GABRB1: variants seen among roughly 807,000 people sequenced by gnomAD.
GABRB1 encodes the protein gamma-aminobutyric acid type A receptor subunit beta1.
Under a neutral mutation model 51.6 loss-of-function variants are expected in GABRB1, and 17 were observed. The observed-to-expected ratio is 0.33, with a 90% CI of 0.23 to 0.49. The LOEUF (loss-of-function observed/expected upper bound fraction) is 0.49. GABRB1 is among the 20% of genes least tolerant of loss of function. The pLI is 0.99. For missense variants in GABRB1, 410 were observed against 600.6 expected (o/e 0.68, Z 3.32); for synonymous variants, 247 against 218.9 (o/e 1.13, Z -1.14).
At chr4:47,170,190 A>G (rs1340744892) in intron 4 of GABRB1, among the ~76,000 whole-genome samples, 3 of 152,038 alleles carry the variant, frequency 2.0e-5, no homozygotes, top group Admixed American at 2.0e-4. Context: ...TTTCGAATCA[A>G]TTTTTTTATA....
chr4:47,268,596 A>C (rs1289004666), intron 4 of GABRB1, among the ~76,000 whole-genome samples: 2 of 152,204 alleles, frequency 1.3e-5, no homozygotes, highest in Admixed American at 1.3e-4. Context: ...AATCCCCATT[A>C]CTTAGTCATT....
intron 3 of GABRB1, among the ~76,000 whole-genome samples, chr4:47,147,041 G>A (rs1466533959): frequency 6.6e-6 from 1 of 151,870 alleles, no homozygotes; most frequent in Non-Finnish European, 1.5e-5. Context: ...ACCTACCCTA[G>A]AGAGTGGATA....
intron 3 of GABRB1, among the ~76,000 whole-genome samples, chr4:47,064,767 GA>G (rs1238017996): frequency 6.6e-6 from 1 of 151,874 alleles, no homozygotes; most frequent in Admixed American, 6.6e-5. Flanking sequence ...CACCATGACT[GA>G]AAAGACATTG....
chr4:47,416,633 G>A (rs1728930512), intron 8 of GABRB1, among the ~76,000 whole-genome samples: 1 of 151,976 alleles, frequency 6.6e-6, no homozygotes, highest in Non-Finnish European at 1.5e-5. Flanking sequence ...TGTATTTTTA[G>A]TAGAGATGGG....
upstream of GABRB1, among the ~76,000 whole-genome samples, chr4:47,029,250 A>G (rs1321506778): frequency 2.0e-5 from 3 of 151,984 alleles, no homozygotes; most frequent in South Asian, 2.1e-4. Context: ...TAGTATGTCC[A>G]AAGAGTGGTA....
intron 4 of GABRB1, among the ~76,000 whole-genome samples, chr4:47,190,055 T>C (rs1719375779): frequency 1.3e-5 from 2 of 152,050 alleles, no homozygotes; most frequent in African/African-American, 4.8e-5. Flanking sequence ...TTGTTCTCAT[T>C]CTCTAGCAGG....
intron 5 of GABRB1, among the ~76,000 whole-genome samples, chr4:47,390,066 G>A (rs930349177): frequency 2.6e-5 from 4 of 152,192 alleles, no homozygotes; most frequent in Admixed American, 2.6e-4. Flanking sequence ...AGCTAAAAGA[G>A]AAAAAGAAAT....
intron 4 of GABRB1, among the ~76,000 whole-genome samples, chr4:47,242,539 C>T (rs537652763): frequency 7.2e-5 from 11 of 152,332 alleles, no homozygotes; most frequent in Admixed American, 6.5e-4. Flanking sequence ...CGCATCCTCT[C>T]CAGCACCTGT....
At chr4:47,376,615 C>T (rs1458997234) in intron 5 of GABRB1, among the ~76,000 whole-genome samples, 1 of 152,182 alleles carries the variant, frequency 6.6e-6, no homozygotes, top group African/African-American at 2.4e-5. Flanking sequence ...CCACTGCACT[C>T]CAGCCTGGGC....
At chr4:47,025,491 T>G (rs1725062779) in intron 1 of GABRB1, among the ~76,000 whole-genome samples, 1 of 151,970 alleles carries the variant, frequency 6.6e-6, no homozygotes, top group African/African-American at 2.4e-5. Flanking sequence ...AGGATAGTTT[T>G]ATAAACTTGA....
intron 1 of GABRB1, among the ~76,000 whole-genome samples, chr4:47,020,573 C>T (rs554558042): frequency 1.3e-5 from 2 of 152,248 alleles, no homozygotes; most frequent in South Asian, 2.1e-4. Context: ...TTACTCAGCT[C>T]GAAGATATCG....
rs1442106 is a variant in GABRB1 at position 47,210,046 on chromosome 4, G to C, written c.461+48577G>C. On this transcript the variant is annotated intron_variant, in intron 4 of 8. Coordinates refer to ENST00000295454, the MANE Select transcript of GABRB1 (RefSeq NM_000812.4). ...AAATATATTGAAGGCCTGGTTCACT[G>C]CTTATTCCAGTTCCAAAGTGCTCTC... 3.4e-4 allele frequency among the ~76,000 whole-genome samples: 52 copies of C among 151,906 alleles called. No homozygotes were observed. The South Asian group carries it at 0.011, about 31-fold the overall frequency.
chr4:47,187,678 C>T (rs551483958), intron 4 of GABRB1, among the ~76,000 whole-genome samples: 7 of 151,960 alleles, frequency 4.6e-5, no homozygotes, highest in African/African-American at 1.2e-4. Flanking sequence ...CTTCTAAAAT[C>T]CCTCCAGTAA....
rs1436701483 is a variant in GABRB1, at chr4:47,273,864, T to TACACACATACACACAC, written c.462-46256_462-46255insTACACACACACACACA. Among the ~76,000 whole-genome samples, 30 of 122,322 alleles carry TACACACATACACACAC rather than the reference T, an allele frequency of 2.5e-4. 1 individual carries two copies. Among genetic ancestry groups the TACACACATACACACAC allele is most frequent in the African/African-American group, 7.5e-4 (27 of 35,912 alleles). The allele number at this position is 122,322 out of a possible 152,430, so 80.2% of individuals were successfully genotyped here. A position where few individuals can be genotyped will look rare whatever the true frequency, so the allele number is the denominator to read the frequency against. On this transcript the variant is annotated intron_variant, in intron 4 of 8. Transcript: ENST00000295454. ...TGTTTGAAAGTAAACCATATATACA[T>TACACACATACACACAC]ACACACACACACACACACACACACA... is the stretch of plus-strand genomic sequence containing the variant.
intron 3 of GABRB1, among the ~76,000 whole-genome samples, chr4:47,083,875 A>AG (rs1436769026): frequency 6.6e-6 from 1 of 152,108 alleles, no homozygotes; most frequent in Non-Finnish European, 1.5e-5. Context: ...CCTATGTCTA[A>AG]GGGGTCAGAA....
At chr4:47,187,340 C>G (rs1443205010) in intron 4 of GABRB1, among the ~76,000 whole-genome samples, 1 of 151,850 alleles carries the variant, frequency 6.6e-6, no homozygotes, top group Non-Finnish European at 1.5e-5. Flanking sequence ...ACAAACTAAT[C>G]ATGTCCTAAT....
upstream of GABRB1, among the ~76,000 whole-genome samples, chr4:47,030,879 G>A (rs1261432048): frequency 6.6e-6 from 1 of 151,962 alleles, no homozygotes; most frequent in African/African-American, 2.4e-5. Flanking sequence ...AAGATTGCCT[G>A]CCCAGAACTG....
intron 3 of GABRB1, among the ~76,000 whole-genome samples, chr4:47,156,639 CT>C (rs1717713434): frequency 6.6e-6 from 1 of 150,488 alleles, no homozygotes; most frequent in Non-Finnish European, 1.5e-5. Flanking sequence ...TATACTATAC[CT>C]TTAATCATCT....
chr4:47,045,025 G>A (rs568626921), intron 3 of GABRB1, among the ~76,000 whole-genome samples: 1 of 152,158 alleles, frequency 6.6e-6, no homozygotes, highest in African/African-American at 2.4e-5. Flanking sequence ...GAAATAAAAT[G>A]TGTTGCTTTA....
Sources: allele counts gnomAD v4.1 joint callset (sites outside exome capture counted in the v4.1 genomes callset), GRCh38; gene constraint gnomAD v4.1.1; transcripts MANE v1.5; gene names NCBI Gene and HGNC (gene_info 2026-07-23, HGNC 2026-07-21).